CNR2: variants seen among roughly 807,000 people sequenced by gnomAD.
The protein encoded by CNR2 is cannabinoid receptor 2 (macrophage).
For missense variants in CNR2, 379 were observed against 439.9 expected (o/e 0.86, Z 1.24); for synonymous variants, 172 against 182.2 (o/e 0.94, Z 0.45).
At chr1:23,884,945 C>A (rs1056438674) in intron 1 of CNR2, among the ~76,000 whole-genome samples, 1 of 152,090 alleles carries the variant, frequency 6.6e-6, no homozygotes, top group South Asian at 2.1e-4. Flanking sequence ...GGATCACAGG[C>A]GTCTGCCACT....
chr1:23,874,247 G>T lies in CNR2; in HGVS notation c.*288C>A. 3.3e-6 allele frequency: 1 copy of T among 299,770 alleles called. No individual in the cohort carries two copies. The allele number at this position is 299,770 out of a possible 1,614,324, so 18.6% of individuals were successfully genotyped here. ...GCTTTGGCTCCTGTGGTCTCTGGAG[G>T]ATGCAGGCATGAAGCCTGACCTGAC... On this transcript the variant is annotated 3_prime_UTR_variant, in exon 2 of 2. Transcript: ENST00000374472.
chr1:23,896,883 T>TG, intron 1 of CNR2, among the ~76,000 whole-genome samples: 1 of 146,148 alleles, frequency 6.8e-6, no homozygotes, highest in South Asian at 2.1e-4. Flanking sequence ...CCAGGAGTGT[T>TG]TTTTTTTTTT....
At chr1:23,883,229 G>T (rs907141313) in intron 1 of CNR2, among the ~76,000 whole-genome samples, 1 of 152,228 alleles carries the variant, frequency 6.6e-6, no homozygotes. Context: ...TGGAGAAGGC[G>T]TGGAGCCAAA....
chr1:23,897,330 T>C (rs767091686), intron 1 of CNR2, among the ~76,000 whole-genome samples: 10 of 152,144 alleles, frequency 6.6e-5, no homozygotes, highest in Non-Finnish European at 1.5e-4. Context: ...TTCTCAAACT[T>C]CGTGGTCTCA....
In CNR2 at chr1:23,875,337, A is replaced by G; in HGVS notation, c.281T>C (p.Phe94Ser). 6.2e-7 allele frequency: 1 copy of G among 1,614,246 alleles called. No individual in the cohort carries two copies. Among genetic ancestry groups the G allele is most frequent in the Non-Finnish European group, 8.5e-7 (1 of 1,180,040 alleles). ...SVVFACSFVN[F>S]HVFHGVDSKA... Reference sequence around the variant, plus strand: ...GGAATCCACACCATGGAAAACATGGAAATTCACAAAGCTGCATGCAAAGAC... The same window carrying G: ...GGAATCCACACCATGGAAAACATGGGAATTCACAAAGCTGCATGCAAAGAC... The change falls in exon 2 of 2, where the codon TTC becomes TCC. Residue 94 changes from phenylalanine to serine, a missense_variant. Transcript: ENST00000374472.
intron 1 of CNR2, among the ~76,000 whole-genome samples, chr1:23,887,780 A>T (rs59905777): frequency 0.015 from 2,357 of 152,216 alleles, 75 homozygotes; most frequent in African/African-American, 0.054. Flanking sequence ...AGTAATAGTT[A>T]AAAAAGCTCA....
chr1:23,910,122 AT>A (rs34885370), intron 1 of CNR2, among the ~76,000 whole-genome samples: 170 of 120,296 alleles, frequency 1.4e-3, no homozygotes, highest in African/African-American at 5.0e-3. Flanking sequence ...CTAATTTTTA[AT>A]TTTTTTTTTT....
At chr1:23,881,133 G>A (rs900173907) in intron 1 of CNR2, among the ~76,000 whole-genome samples, 7 of 151,352 alleles carry the variant, frequency 4.6e-5, no homozygotes, top group Non-Finnish European at 1.0e-4. Context: ...AAAATCAGCT[G>A]GGCATGGTGG....
At chr1:23,897,022 A>C (rs1640297618) in intron 1 of CNR2, among the ~76,000 whole-genome samples, 1 of 151,798 alleles carries the variant, frequency 6.6e-6, no homozygotes, top group Non-Finnish European at 1.5e-5. Flanking sequence ...AATAGCTGGG[A>C]TGACAGGTGC....
intron 1 of CNR2, among the ~76,000 whole-genome samples, chr1:23,900,207 C>T (rs564228430): frequency 1.1e-4 from 16 of 152,160 alleles, no homozygotes; most frequent in Non-Finnish European, 2.2e-4. Context: ...CTTCGACCCC[C>T]TGTGATTTCA....
chr1:23,905,980 T>G (rs965801763), intron 1 of CNR2, among the ~76,000 whole-genome samples: 1 of 152,192 alleles, frequency 6.6e-6, no homozygotes, highest in Non-Finnish European at 1.5e-5. Flanking sequence ...GGATTTCTAG[T>G]TCCTGTTCCT....
intron 1 of CNR2, among the ~76,000 whole-genome samples, chr1:23,886,865 G>T (rs1226152087): frequency 7.2e-5 from 11 of 151,842 alleles, no homozygotes; most frequent in African/African-American, 2.7e-4. Flanking sequence ...ATGCAGAGAA[G>T]TTGGAGACAG....
At chr1:23,891,385 A>AAGGC (rs1355747259) in intron 1 of CNR2, among the ~76,000 whole-genome samples, 1 of 151,682 alleles carries the variant, frequency 6.6e-6, no homozygotes, top group Non-Finnish European at 1.5e-5. Context: ...TTGGGAGGCT[A>AAGGC]AGGCAGGCAG....
intron 1 of CNR2, among the ~76,000 whole-genome samples, chr1:23,895,626 C>T (rs1640268034): frequency 6.6e-6 from 1 of 152,116 alleles, no homozygotes; most frequent in Admixed American, 6.6e-5. Flanking sequence ...CCTCCCTCAG[C>T]CTCCCGAGTA....
chr1:23,887,054 C>T (rs970667388), intron 1 of CNR2, among the ~76,000 whole-genome samples: 7 of 152,098 alleles, frequency 4.6e-5, no homozygotes, highest in Non-Finnish European at 8.8e-5. Context: ...TACAGGTGCA[C>T]GCCACCATGC....
intron 1 of CNR2, among the ~76,000 whole-genome samples, chr1:23,900,095 G>A (rs1640373222): frequency 6.6e-6 from 1 of 151,592 alleles, no homozygotes; most frequent in South Asian, 2.1e-4. Context: ...ATACTTTGCA[G>A]ACCCTGCACT....
rs774735405 is a variant in CNR2, at chr1:23,874,822, C to A, written c.796G>T (p.Ala266Ser). 2.5e-6 allele frequency: 4 copies of A among 1,614,152 alleles called. No homozygotes were observed. Among genetic ancestry groups the A allele is most frequent in the Non-Finnish European group, 3.4e-6 (4 of 1,180,020 alleles). The change falls in exon 2 of 2, where the codon GCC (alanine) becomes TCC (serine). Residue 266 changes from alanine (A) to serine (S), a missense_variant. By Grantham distance (99) the Ala-to-Ser change is moderately conservative (BLOSUM62 1). Coordinates refer to ENST00000374472, the MANE Select transcript of CNR2 (RefSeq NM_001841.3). ...CTGAGCGTAGTGGCCAGGCTGTGGG[C>A]CATGAGGGCCAGCACTGGGAACCAA... The part of the protein sequence containing the change: ...ICWFPVLALM[A>S]HSLATTLSDQ...
At chr1:23,902,987 G>C (rs563727710) in intron 1 of CNR2, among the ~76,000 whole-genome samples, 39 of 151,728 alleles carry the variant, frequency 2.6e-4, no homozygotes, top group African/African-American at 9.4e-4. Flanking sequence ...GCGCCGCGCC[G>C]GGGCCTCGGG....
At chr1:23,907,860 A>G (rs6676399) in intron 1 of CNR2, 145,112 of 152,044 alleles carry the variant, frequency 0.95, 69,621 homozygotes, top group East Asian at 1. Context: ...GTATAAATTA[A>G]ATGATATCAG....
Sources: allele counts gnomAD v4.1 joint callset (sites outside exome capture counted in the v4.1 genomes callset), GRCh38; gene constraint gnomAD v4.1.1; transcripts MANE v1.5; gene names NCBI Gene and HGNC (gene_info 2026-07-23, HGNC 2026-07-21).